GYG2: variants seen among roughly 807,000 people sequenced by gnomAD.
GYG2 encodes the protein glycogenin-2.
Under a neutral mutation model 29.4 loss-of-function variants are expected in GYG2, and 29 were observed. The observed-to-expected ratio is 0.99, with a 90% confidence interval of 0.74 to 1.35. The LOEUF is 1.35. Ranked by LOEUF, GYG2 falls within the 40% of genes most tolerant of loss-of-function variation. The probability of loss-of-function intolerance (pLI) is 0.00; values close to 1 mark genes in which losing one functional copy is unlikely to be tolerated. For missense variants in GYG2, 370 were observed against 385.7 expected (o/e 0.96, Z 0.34); for synonymous variants, 167 against 172.3 (o/e 0.97, Z 0.24).
chrX:2,846,051 ATATATTTTTTTTTTT>A (rs1235851954), intron 3 of GYG2, among the ~76,000 whole-genome samples: 16 of 28,536 alleles, frequency 5.6e-4, no homozygotes, highest in African/African-American at 1.8e-3. Context: ...ATATATATAT[ATATATTTTTTTTTTT>A]TTTTTTTTTT....
intron 6 of GYG2, among the ~76,000 whole-genome samples, 164 bp downstream of exon 6, chrX:2,856,788 C>T (rs2088008970): frequency 1.4e-5 from 1 of 69,296 alleles, no homozygotes; most frequent in East Asian, 5.5e-4. Context: ...ATCTATCTAT[C>T]ATCTATCTAT....
chrX:2,877,288 G>GT lies in GYG2; in HGVS notation c.1233dup (p.Leu412SerfsTer71), dbSNP rs757928554. 1.1e-5 allele frequency: 13 copies of GT among 1,208,810 alleles called. No homozygotes were observed. The South Asian group carries it at 2.3e-4, about 21-fold the overall frequency. Reference sequence around the variant, plus strand: ...CCTGCTGAGGCTCTCAGGGACCCCAGTCTGCAGGATGCACTGGAGGTGGTA... The same window carrying GT: ...CCTGCTGAGGCTCTCAGGGACCCCAGTTCTGCAGGATGCACTGGAGGTGGTA... On this transcript the variant is annotated frameshift_variant, in exon 10 of 11. Coordinates refer to ENST00000398806, the MANE Select transcript of GYG2 (RefSeq NM_001079855.2). LOFTEE classifies it low-confidence loss of function (END_TRUNC).
In GYG2 at chrX:2,859,864, C is replaced by T. The variant is rs759268550; in HGVS notation, c.636C>T (p.Val212=). The T allele has an allele frequency of 3.4e-5, 41 of 1,195,154 alleles. No individual in the cohort carries two copies. The highest frequency in any genetic ancestry group is 8.8e-5 in the Admixed American group (4 of 45,418). The change falls in exon 7 of 11, where the codon GTC becomes GTT. Residue 212 remains valine, a synonymous_variant. Transcript: ENST00000398806. Reference sequence around the variant, plus strand: ...TCAGATTCGGTTCCAGTGCAAAGGTCGTCCACTTTTTGGGGTCCATGAAAC... The same window carrying T: ...TCAGATTCGGTTCCAGTGCAAAGGTTGTCCACTTTTTGGGGTCCATGAAAC... ...AFKQFGSSAK[V]VHFLGSMKPW...
intron 3 of GYG2, among the ~76,000 whole-genome samples, chrX:2,846,381 A>G (rs2087738910): frequency 9.2e-6 from 1 of 109,009 alleles, no homozygotes; most frequent in Non-Finnish European, 1.9e-5. Flanking sequence ...AGCCCCAAAT[A>G]TTTTTAAAAT....
chrX:2,846,055 A>ATATATATATAT (rs2087723665), intron 3 of GYG2, among the ~76,000 whole-genome samples: 3 of 38,675 alleles, frequency 7.8e-5, no homozygotes, highest in East Asian at 9.3e-4. Flanking sequence ...ATATATATAT[A>ATATATATATAT]TTTTTTTTTT....
At chrX:2,876,143 T>G (rs1036143296) in intron 9 of GYG2, among the ~76,000 whole-genome samples, 1 of 104,795 alleles carries the variant, frequency 9.5e-6, no homozygotes, top group Non-Finnish European at 1.9e-5. Flanking sequence ...AATCTGGCTG[T>G]CTGTTCGAAC....
chrX:2,881,154 T>G lies in GYG2; in HGVS notation c.1354T>G (p.Tyr452Asp). 1 of 1,206,610 alleles carries G rather than the reference T, an allele frequency of 8.3e-7. No individual in the cohort carries two copies. Among genetic ancestry groups the G allele is most frequent in the Non-Finnish European group, 1.1e-6 (1 of 892,903 alleles). The change falls in exon 11 of 11, where the codon TAC becomes GAC. Residue 452 changes from tyrosine to aspartate, a missense_variant. Transcript: ENST00000398806. ...RRKWEEGRID[Y>D]MGKDAFARIQ... is the part of the protein sequence containing the mutation. ...GAAGTGGGAGGAAGGCCGTATCGAC[T>G]ACATGGGGAAGGACGCGTTTGCTCG...
chrX:2,869,083 G>A (rs1157354039), intron 8 of GYG2, among the ~76,000 whole-genome samples: 5 of 110,309 alleles, frequency 4.5e-5, no homozygotes, highest in Non-Finnish European at 9.4e-5. Context: ...CCGCATCTAT[G>A]GGTTCCATAT....
At chrX:2,868,491 T>C (rs1297090350) in intron 8 of GYG2, among the ~76,000 whole-genome samples, 4 of 108,532 alleles carry the variant, frequency 3.7e-5, no homozygotes, top group African/African-American at 1.3e-4. Context: ...ATTTTGGAGT[T>C]CCTGTGTCCA....
At chrX:2,843,875 C>T (rs2087562511) in intron 3 of GYG2, among the ~76,000 whole-genome samples, 2 of 111,891 alleles carry the variant, frequency 1.8e-5, no homozygotes. Context: ...CTCCTGGACT[C>T]ACTCAGTCCA....
intron 8 of GYG2, among the ~76,000 whole-genome samples, chrX:2,864,296 G>T (rs1310258080): frequency 9.0e-6 from 1 of 111,639 alleles, no homozygotes; most frequent in African/African-American, 3.3e-5. Context: ...ATATGCGTAA[G>T]AAGTACATTG....
intron 2 of GYG2, among the ~76,000 whole-genome samples, chrX:2,832,245 C>A (rs1365413268): frequency 8.9e-6 from 1 of 112,300 alleles, no homozygotes; most frequent in Non-Finnish European, 1.9e-5. Flanking sequence ...CATTTTTGTT[C>A]CAAAGCAAAA....
chrX:2,855,186 C>T, intron 5 of GYG2, 31 bp downstream of exon 5: 1 of 1,153,744 alleles, frequency 8.7e-7, no homozygotes, highest in Non-Finnish European at 1.2e-6. Context: ...CGCTTAGGGT[C>T]TCTGTTGCAC....
Position 2,860,080 on chromosome X carries a change from C to T in GYG2, c.837+15C>T. 9.5e-7 allele frequency: 1 copy of T among 1,054,567 alleles called. No homozygotes were observed. The highest frequency in any genetic ancestry group is 1.3e-6 in the Non-Finnish European group (1 of 768,160). The allele number at this position is 1,054,567 out of a possible 1,213,427, so 86.9% of individuals were successfully genotyped here. On this transcript the variant is annotated intron_variant, in intron 7 of 10. Coordinates refer to ENST00000398806, the MANE Select transcript of GYG2 (RefSeq NM_001079855.2). ...CTGGTCACACAGTAAGTGGGGGATT[C>T]CCTTAAAACCCGTAGCTGAGGACGA...
rs1043514715 is a variant in GYG2 at position 2,877,183 on chromosome X, G to A, written c.1144-17G>A. On this transcript the variant is annotated splice_polypyrimidine_tract_variant and intron_variant, in intron 9 of 10. Coordinates refer to ENST00000398806, the MANE Select transcript of GYG2 (RefSeq NM_001079855.2). ...TGCAGCCCACCGCAGACTAATGATG[G>A]AATGGTTATGTTTTAGCAGCCAGCA... 3 of 1,203,757 alleles carry A rather than the reference G, an allele frequency of 2.5e-6. No homozygotes were observed. In the Admixed American group the frequency reaches 6.6e-5, roughly 26 times the overall value.
chrX:2,873,503 A>G (rs1209592372), intron 8 of GYG2, among the ~76,000 whole-genome samples: 1 of 110,073 alleles, frequency 9.1e-6, no homozygotes, highest in Non-Finnish European at 1.9e-5. Flanking sequence ...CCTCGCATAA[A>G]TGCTGTTTTC....
chrX:2,869,833 G>C (rs899325379), intron 8 of GYG2, among the ~76,000 whole-genome samples: 1 of 111,805 alleles, frequency 8.9e-6, no homozygotes, highest in Non-Finnish European at 1.9e-5. Context: ...TGTAGAGATG[G>C]GTTTCACCAT....
At position 2,845,567 on chromosome X, in the gene GYG2, G is replaced by GTATATTTATATACACGTGTA. The variant is rs772027536; in HGVS notation, c.149+2217_149+2218insTTTATATACACGTGTATATA. Among the ~76,000 whole-genome samples the GTATATTTATATACACGTGTA allele has an allele frequency of 3.9e-4, 2 of 5,114 alleles. 1 individual carries two copies. The highest frequency in any genetic ancestry group is 2.8e-3 in the Non-Finnish European group (2 of 723). The allele number at this position is 5,114 out of a possible 115,157, so 4.4% of individuals were successfully genotyped here. A position where few individuals can be genotyped will look rare whatever the true frequency, so the allele number is the denominator to read the frequency against. Reference sequence around the variant, plus strand: ...TGTATGTATATTTATATACACGTGTGTATACACATGTGTATATATACACAT... The same window carrying GTATATTTATATACACGTGTA: ...TGTATGTATATTTATATACACGTGTGTATATTTATATACACGTGTATATACACATGTGTATATATACACAT... On this transcript the variant is annotated intron_variant, in intron 3 of 10. Transcript: ENST00000398806.
In GYG2 at chrX:2,858,265, A is replaced by G. The variant is rs1390819033; in HGVS notation, c.615-1578A>G. 6.1e-5 allele frequency among the ~76,000 whole-genome samples: 5 copies of G among 81,411 alleles called. No homozygotes were observed. The East Asian group carries it at 1.3e-3, about 21-fold the overall frequency. The allele number at this position is 81,411 out of a possible 115,157, so 70.7% of individuals were successfully genotyped here. On this transcript the variant is annotated intron_variant, in intron 6 of 10. Transcript: ENST00000398806. ...CACTTGAGCTCAGGAGTTTGAGACC[A>G]GCCTGCGCAACATGATGAAACCCTG...
Sources: gnomAD v4.1 joint callset for allele counts (sites outside exome capture counted in the v4.1 genomes callset) on GRCh38, gnomAD v4.1.1 for gene constraint, MANE v1.5 for transcripts, NCBI Gene and HGNC (gene_info 2026-07-23, HGNC 2026-07-21) for gene names.